The following CADPS variants were observed in gnomAD, a reference collection of about 807,000 sequenced individuals.
The protein encoded by CADPS is calcium-dependent secretion activator 1.
CADPS carries 57 observed loss-of-function variants against 167.3 expected under a neutral mutation model. The observed-to-expected ratio is 0.34, with a 90% CI of 0.28 to 0.42. CADPS has a LOEUF of 0.42. Among genes scored for constraint, CADPS ranks in the 20% least tolerant of loss-of-function variants. The pLI is 1.00. For synonymous variants in CADPS, 676 were observed against 635.3 expected (o/e 1.06, Z -0.96); for missense variants, 1,414 against 1,738.1 (o/e 0.81, Z 3.32).
At chr3:62,523,478 C>A (rs2071259175) in intron 13 of CADPS, among the ~76,000 whole-genome samples, 1 of 152,158 alleles carries the variant, frequency 6.6e-6, no homozygotes, top group Non-Finnish European at 1.5e-5. Context: ...GGTGAGCACA[C>A]AGACTTTTAG....
chr3:62,701,906 CT>C (rs1288697255), intron 3 of CADPS, among the ~76,000 whole-genome samples: 1 of 152,134 alleles, frequency 6.6e-6, no homozygotes, highest in East Asian at 1.9e-4. Context: ...CAAGAAACTG[CT>C]TTTCCTTTTA....
At chr3:62,735,286 A>G (rs572310689) in intron 3 of CADPS, among the ~76,000 whole-genome samples, 3 of 152,252 alleles carry the variant, frequency 2.0e-5, no homozygotes, top group East Asian at 3.9e-4. Flanking sequence ...TAGTCAAAAC[A>G]CTACTATAGA....
chr3:62,578,617 TAA>T (rs59984256), intron 8 of CADPS, among the ~76,000 whole-genome samples: 1 of 77,884 alleles, frequency 1.3e-5, no homozygotes, highest in African/African-American at 4.6e-5. Flanking sequence ...CTCAAAAAAA[TAA>T]AAAAAAAAAA....
In CADPS at chr3:62,766,004, A is replaced by G. The variant is rs772812222; in HGVS notation, c.442-20T>C. 4 of 1,550,468 alleles carry G rather than the reference A, an allele frequency of 2.6e-6. No homozygotes were observed. The highest frequency in any genetic ancestry group is 3.6e-6 in the Non-Finnish European group (4 of 1,122,886). On this transcript the variant is annotated intron_variant, in intron 1 of 29. Transcript: ENST00000383710. Reference sequence around the variant, plus strand: ...GCTGATCTGTAAGAAACAGAAAAAGAGGGAAATGTGAGAACTTGTCCTAGA... The same window carrying G: ...GCTGATCTGTAAGAAACAGAAAAAGGGGGAAATGTGAGAACTTGTCCTAGA...
intron 28 of CADPS, among the ~76,000 whole-genome samples, chr3:62,436,724 A>G (rs1197944110): frequency 6.6e-6 from 1 of 152,190 alleles, no homozygotes; most frequent in African/African-American, 2.4e-5. Flanking sequence ...ATGTGATAAA[A>G]CATTTGACAT....
intron 4 of CADPS, among the ~76,000 whole-genome samples, chr3:62,659,042 C>T (rs1459569369): frequency 6.6e-6 from 1 of 152,146 alleles, no homozygotes; most frequent in Non-Finnish European, 1.5e-5. Flanking sequence ...TTTACATAAG[C>T]TTGCTTGAGT....
intron 21 of CADPS, among the ~76,000 whole-genome samples, chr3:62,488,222 A>G (rs757519671): frequency 6.6e-6 from 1 of 152,212 alleles, no homozygotes; most frequent in Non-Finnish European, 1.5e-5. Context: ...ATCTAAGAAG[A>G]GAAATGAATC....
At chr3:62,669,880 C>T (rs1218807358) in intron 3 of CADPS, among the ~76,000 whole-genome samples, 1 of 152,206 alleles carries the variant, frequency 6.6e-6, no homozygotes. Context: ...TTCTCCCTTA[C>T]AGAAGTTCTG....
At chr3:62,443,983 T>C (rs574051749) in intron 27 of CADPS, among the ~76,000 whole-genome samples, 4 of 152,324 alleles carry the variant, frequency 2.6e-5, no homozygotes, top group African/African-American at 9.6e-5. Flanking sequence ...TTAGATCGAA[T>C]CATATGAAAT....
chr3:62,467,820 C>A (rs1170606654), intron 24 of CADPS, among the ~76,000 whole-genome samples: 3 of 152,040 alleles, frequency 2.0e-5, no homozygotes, highest in Admixed American at 2.0e-4. Context: ...TGTAGTCATG[C>A]CTTCAGACTC....
At chr3:62,628,006 TAG>T (rs2064448257) in intron 6 of CADPS, among the ~76,000 whole-genome samples, 1 of 152,214 alleles carries the variant, frequency 6.6e-6, no homozygotes, top group Non-Finnish European at 1.5e-5. Context: ...GAAATTTTCA[TAG>T]TAGTCATATC....
chr3:62,626,711 G>T, intron 6 of CADPS: 3 of 530,488 alleles, frequency 5.7e-6, no homozygotes, highest in East Asian at 3.1e-5. Context: ...TACTAACATG[G>T]TTTTTACTGA....
At chr3:62,454,717 A>G (rs2058479702) in intron 26 of CADPS, among the ~76,000 whole-genome samples, 1 of 152,178 alleles carries the variant, frequency 6.6e-6, no homozygotes, top group African/African-American at 2.4e-5. Context: ...AGCTTCACAG[A>G]GGGCCATGGG....
In CADPS at chr3:62,584,717, C is replaced by A. The variant is rs542701712; in HGVS notation, c.1577+468G>T. Among the ~76,000 whole-genome samples the A allele has an allele frequency of 1.7e-3, 263 of 152,244 alleles. 2 individuals are homozygous for A. Among genetic ancestry groups the A allele is most frequent in the African/African-American group, 5.4e-3 (226 of 41,562 alleles). ...GATCACAAATTTTCTATTTTTTTCTCATTCATTTAAATGCTGCACTAAATA... is the reference window on the plus strand; with the variant it reads ...GATCACAAATTTTCTATTTTTTTCTAATTCATTTAAATGCTGCACTAAATA... On this transcript the variant is annotated intron_variant, in intron 8 of 29. Transcript: ENST00000383710.
intron 1 of CADPS, among the ~76,000 whole-genome samples, chr3:62,786,785 A>C (rs1470987000): frequency 6.6e-6 from 1 of 152,166 alleles, no homozygotes; most frequent in Non-Finnish European, 1.5e-5. Flanking sequence ...AGAAATTTTC[A>C]AAAAAATGTA....
chr3:62,843,796 T>A lies in CADPS; in HGVS notation c.441+30793A>T, dbSNP rs548068353. On this transcript the variant is annotated intron_variant, in intron 1 of 29. Coordinates refer to ENST00000383710, the MANE Select transcript of CADPS (RefSeq NM_003716.4). ...CCCATTGACCAGAACCTAGTCCCAA[T>A]GCAATATCCAACTACAAGAGTAGGA... Among the ~76,000 whole-genome samples, 85 of 151,874 alleles carry A rather than the reference T, an allele frequency of 5.6e-4. 1 individual carries two copies. The South Asian group carries it at 0.011, about 19-fold the overall frequency.
chr3:62,564,461 A>G lies in CADPS; in HGVS notation c.1644+6411T>C, dbSNP rs151171736. 3.7e-3 allele frequency among the ~76,000 whole-genome samples: 570 copies of G among 152,202 alleles called. 5 individuals are homozygous for G. The highest frequency in any genetic ancestry group is 0.013 in the African/African-American group (533 of 41,510). On this transcript the variant is annotated intron_variant, in intron 9 of 29. Coordinates refer to ENST00000383710, the MANE Select transcript of CADPS (RefSeq NM_003716.4). ...GACCAGCTTGACGAACACTTTGTAA[A>G]CTCTAAGAAACCATATAAATATAAG...
chr3:62,641,677 C>A (rs563394853), intron 6 of CADPS, among the ~76,000 whole-genome samples: 1 of 152,008 alleles, frequency 6.6e-6, no homozygotes, highest in Non-Finnish European at 1.5e-5. Flanking sequence ...AAAATAAGTA[C>A]GTCTCATGAA....
At position 62,617,672 on chromosome 3, in the gene CADPS, G is replaced by A. The variant is rs138033083; in HGVS notation, c.1326-24924C>T. On this transcript the variant is annotated intron_variant, in intron 6 of 29. Transcript: ENST00000383710. ...TTAATTTGGGGATGAGAGAGGGGAAGGCTGTTCAGTATCCCTGTAAGGACA... is the reference window on the plus strand; with the variant it reads ...TTAATTTGGGGATGAGAGAGGGGAAAGCTGTTCAGTATCCCTGTAAGGACA... 1.4e-3 allele frequency among the ~76,000 whole-genome samples: 217 copies of A among 152,054 alleles called. 2 individuals are homozygous for A. The highest frequency in any genetic ancestry group is 4.9e-3 in the African/African-American group (203 of 41,480).
Sources: allele counts gnomAD v4.1 joint callset (sites outside exome capture counted in the v4.1 genomes callset), GRCh38; gene constraint gnomAD v4.1.1; transcripts MANE v1.5; gene names NCBI Gene and HGNC (gene_info 2026-07-23, HGNC 2026-07-21).